Variants in HDAC9 observed in about 807,000 individuals in gnomAD.
HDAC9 encodes histone deacetylase 9.
A neutral mutation model predicts 139.4 loss-of-function variants in HDAC9; 41 were observed. The ratio of observed to expected loss-of-function variants is 0.29; its 90% CI spans 0.23 to 0.38. The LOEUF is 0.38. Ranked by LOEUF, HDAC9 falls within the 10% of genes least tolerant of loss-of-function variation. The pLI is 1.00. For synonymous variants in HDAC9, 517 were observed against 476.2 expected (o/e 1.09, Z -1.12); for missense variants, 1,147 against 1,297.0 (o/e 0.88, Z 1.78).
At chr7:18,775,420 C>T (rs899094272) in intron 16 of HDAC9, among the ~76,000 whole-genome samples, 11 of 152,002 alleles carry the variant, frequency 7.2e-5, no homozygotes, top group African/African-American at 1.2e-4. Flanking sequence ...GTGCCTGTAT[C>T]GAGTATCTTC....
intron 22 of HDAC9, among the ~76,000 whole-genome samples, chr7:18,904,663 C>T (rs185592049): frequency 6.0e-5 from 9 of 150,066 alleles, no homozygotes; most frequent in African/African-American, 2.0e-4. Flanking sequence ...GCAAGCTCCG[C>T]CTCCCGGGTT....
At chr7:18,960,281 G>C (rs1412949208) in intron 24 of HDAC9, among the ~76,000 whole-genome samples, 1 of 152,060 alleles carries the variant, frequency 6.6e-6, no homozygotes, top group African/African-American at 2.4e-5. Context: ...GGAGATGAGA[G>C]GCAAGTATAT....
At chr7:18,904,151 A>G (rs1383038733) in intron 22 of HDAC9, among the ~76,000 whole-genome samples, 2 of 152,224 alleles carry the variant, frequency 1.3e-5, no homozygotes, top group African/African-American at 2.4e-5. Context: ...TTTTAAGTAG[A>G]TAAAGTTTAC....
At chr7:18,469,818 A>G (rs1007482160) in intron 1 of HDAC9, among the ~76,000 whole-genome samples, 3 of 152,174 alleles carry the variant, frequency 2.0e-5, no homozygotes, top group Non-Finnish European at 2.9e-5. Context: ...TTCATATTAT[A>G]TATTATAGAA....
At chr7:18,245,192 A>G (rs1013727682) in intron 2 of HDAC9, among the ~76,000 whole-genome samples, 4 of 152,168 alleles carry the variant, frequency 2.6e-5, no homozygotes, top group Middle Eastern at 6.8e-3. Flanking sequence ...AGCTGGGAAA[A>G]TTTTGCTTCA....
At chr7:18,843,487 C>G (rs544928242) in intron 21 of HDAC9, among the ~76,000 whole-genome samples, 20 of 152,158 alleles carry the variant, frequency 1.3e-4, no homozygotes, top group African/African-American at 4.8e-4. Context: ...GGAAGGTAAA[C>G]ATAATTAATA....
chr7:18,690,637 A>AT (rs1014169237), intron 12 of HDAC9, among the ~76,000 whole-genome samples: 6 of 151,876 alleles, frequency 4.0e-5, no homozygotes, highest in African/African-American at 9.6e-5. Context: ...AGTACCATTT[A>AT]TTTTTTTTAA....
intron 1 of HDAC9, among the ~76,000 whole-genome samples, chr7:18,147,341 C>G (rs184906582): frequency 1.3e-3 from 193 of 152,182 alleles, no homozygotes; most frequent in African/African-American, 4.4e-3. Context: ...TTTTAGTGTA[C>G]ATTTGGAAGG....
chr7:18,441,622 T>C (rs2128093039), intron 1 of HDAC9, among the ~76,000 whole-genome samples: 1 of 152,352 alleles, frequency 6.6e-6, no homozygotes, highest in African/African-American at 2.4e-5. Flanking sequence ...AGTATTCACT[T>C]GTTTGGAGGT....
At chr7:18,743,788 A>G (rs1238500103) in intron 13 of HDAC9, among the ~76,000 whole-genome samples, 1 of 152,006 alleles carries the variant, frequency 6.6e-6, no homozygotes, top group Non-Finnish European at 1.5e-5. Flanking sequence ...TATGGATAGA[A>G]ATAGTAACAG....
intron 25 of HDAC9, among the ~76,000 whole-genome samples, chr7:18,985,610 G>T (rs1361634302): frequency 3.4e-5 from 5 of 148,202 alleles, no homozygotes; most frequent in African/African-American, 1.3e-4. Flanking sequence ...GGGTCAAATG[G>T]TATTTCTAGT....
At chr7:18,880,729 A>T (rs575321383) in intron 22 of HDAC9, among the ~76,000 whole-genome samples, 2 of 152,104 alleles carry the variant, frequency 1.3e-5, no homozygotes, top group African/African-American at 4.8e-5. Context: ...AATAATCTGT[A>T]CAATAAAAAC....
intron 1 of HDAC9, among the ~76,000 whole-genome samples, chr7:18,360,473 A>T (rs1350657972): frequency 1.3e-5 from 2 of 152,124 alleles, no homozygotes; most frequent in African/African-American, 4.8e-5. Flanking sequence ...CTTTCTGAAC[A>T]TCTCTTTAGC....
intron 2 of HDAC9, among the ~76,000 whole-genome samples, chr7:18,545,523 G>A (rs1484460801): frequency 3.3e-5 from 5 of 152,174 alleles, no homozygotes; most frequent in Non-Finnish European, 4.4e-5. Flanking sequence ...GGCCTAGGGG[G>A]TGTAGTAAAA....
chr7:18,858,749 TG>T (rs1325303063), intron 21 of HDAC9, among the ~76,000 whole-genome samples: 4 of 152,218 alleles, frequency 2.6e-5, no homozygotes, highest in South Asian at 2.1e-4. Flanking sequence ...TTTCGTACTT[TG>T]TGGAGTGAAC....
chr7:18,789,286 G>GCGCGCACACACACACACACACACACA (rs146066951), intron 16 of HDAC9, among the ~76,000 whole-genome samples: 30 of 148,394 alleles, frequency 2.0e-4, no homozygotes, highest in South Asian at 1.1e-3. Flanking sequence ...ACACATACAC[G>GCGCGCACACACACACACACACACACA]CACACACACA....
intron 2 of HDAC9, among the ~76,000 whole-genome samples, chr7:18,283,201 T>C (rs934337595): frequency 2.6e-5 from 4 of 152,072 alleles, no homozygotes; most frequent in African/African-American, 7.2e-5. Flanking sequence ...CTTACAATCA[T>C]GGTGGAAGGC....
At chr7:18,890,869 A>G (rs185110752) in intron 22 of HDAC9, among the ~76,000 whole-genome samples, 157 of 152,352 alleles carry the variant, frequency 1.0e-3, no homozygotes, top group African/African-American at 3.6e-3. Context: ...GGAGCTAGTG[A>G]TGAAAAGACA....
chr7:18,753,553 C>G (rs925238056), intron 14 of HDAC9, among the ~76,000 whole-genome samples: 12 of 151,994 alleles, frequency 7.9e-5, no homozygotes, highest in Admixed American at 7.2e-4. Context: ...ACAGAGCAGT[C>G]AATTTTACAA....
Sources: allele counts gnomAD v4.1 joint callset (sites outside exome capture counted in the v4.1 genomes callset), GRCh38; gene constraint gnomAD v4.1.1; transcripts MANE v1.5; gene names NCBI Gene and HGNC (gene_info 2026-07-23, HGNC 2026-07-21).